Variants in COL4A2 observed in about 807,000 individuals in gnomAD.
The protein encoded by COL4A2 is collagen alpha-2(IV) chain.
COL4A2 carries 99 observed loss-of-function variants against 200.2 expected under a neutral mutation model. The observed-to-expected ratio is 0.49, with a 90% confidence interval of 0.42 to 0.58. COL4A2 has a LOEUF of 0.58. COL4A2 is among the 20% of genes least tolerant of loss of function. COL4A2 has a pLI of 0.00. For synonymous variants in COL4A2, 897 were observed against 900.6 expected (o/e 1.00, Z 0.07); for missense variants, 1,950 against 2,314.1 (o/e 0.84, Z 3.23).
intron 20 of COL4A2, among the ~76,000 whole-genome samples, chr13:110,451,911 T>C (rs1648184989): frequency 2.0e-5 from 3 of 152,264 alleles, no homozygotes; most frequent in Admixed American, 2.0e-4. Flanking sequence ...AGAGTGAATA[T>C]AGGAGACATT....
chr13:110,358,080 T>G (rs1008771652), intron 4 of COL4A2, among the ~76,000 whole-genome samples: 1 of 152,256 alleles, frequency 6.6e-6, no homozygotes. Context: ...TATAAACTGT[T>G]AAACTTTTTA....
intron 4 of COL4A2, among the ~76,000 whole-genome samples, chr13:110,369,710 C>G (rs916216674): frequency 2.0e-5 from 3 of 152,280 alleles, no homozygotes; most frequent in Admixed American, 6.5e-5. Flanking sequence ...CCCACCCTTC[C>G]CGCCTCAGCT....
chr13:110,438,655 T>A lies in COL4A2; in HGVS notation c.899T>A (p.Phe300Tyr), dbSNP rs184596143. The A allele has an allele frequency of 8.7e-6, 14 of 1,614,244 alleles. No homozygotes were observed. The highest frequency in any genetic ancestry group is 1.2e-5 in the Non-Finnish European group (14 of 1,180,034). The change falls in exon 15 of 48, where the codon TTT (phenylalanine) becomes TAT (tyrosine). Residue 300 changes from phenylalanine to tyrosine, a missense_variant. Phe to Tyr is a conservative substitution (Grantham distance 22). Around this residue, in one of 2 missense-constraint regions of COL4A2, gnomAD observed 565 missense variants for 593.5 expected, o/e 0.95. Transcript: ENST00000360467. Reference sequence around the variant, plus strand: ...AAGGGAGAAGAAGGAATCATGGGCTTTCCTGGACTGAGGGTAAACCACGCC... The same window carrying A: ...AAGGGAGAAGAAGGAATCATGGGCTATCCTGGACTGAGGGTAAACCACGCC... Reference protein sequence around the residue: ...SLKGEEGIMGFPGLRGYPGLS... With the variant: ...SLKGEEGIMGYPGLRGYPGLS...
At chr13:110,415,617 G>T (rs1338888158) in intron 4 of COL4A2, among the ~76,000 whole-genome samples, 2 of 152,152 alleles carry the variant, frequency 1.3e-5, no homozygotes, top group Non-Finnish European at 2.9e-5. Flanking sequence ...CTAACTTAAA[G>T]AATTTTTTTT....
chr13:110,323,911 G>T (rs1885341351), intron 3 of COL4A2, among the ~76,000 whole-genome samples: 1 of 152,236 alleles, frequency 6.6e-6, no homozygotes, highest in Non-Finnish European at 1.5e-5. Context: ...ATTATGCTGA[G>T]TGCGAAAGGC....
intron 16 of COL4A2, among the ~76,000 whole-genome samples, chr13:110,444,463 T>TA (rs1292618557): frequency 9.2e-5 from 14 of 152,354 alleles, no homozygotes; most frequent in African/African-American, 2.9e-4. Flanking sequence ...ACCTCATTTT[T>TA]AAAATCACAG....
intron 3 of COL4A2, among the ~76,000 whole-genome samples, chr13:110,339,036 C>A (rs1470082770): frequency 6.6e-6 from 1 of 152,226 alleles, no homozygotes; most frequent in Non-Finnish European, 1.5e-5. Context: ...CAGGCCTGTG[C>A]CTTCCACGGA....
At chr13:110,461,706 T>C (rs1323077105) in intron 22 of COL4A2, among the ~76,000 whole-genome samples, 2 of 152,174 alleles carry the variant, frequency 1.3e-5, no homozygotes, top group African/African-American at 2.4e-5. Flanking sequence ...GCTAAGTTTT[T>C]GCATTTTTAG....
intron 4 of COL4A2, among the ~76,000 whole-genome samples, chr13:110,415,972 G>A (rs7320498): frequency 0.25 from 37,390 of 152,264 alleles, 4,811 homozygotes; most frequent in African/African-American, 0.28. Context: ...ATATTGGCAC[G>A]TGCCATTGGC....
intron 3 of COL4A2, among the ~76,000 whole-genome samples, chr13:110,343,948 A>G (rs921760888): frequency 3.3e-5 from 5 of 152,218 alleles, no homozygotes; most frequent in African/African-American, 1.2e-4. Context: ...CCTTAGACCT[A>G]TATGCCAATA....
At chr13:110,344,277 G>A (rs987260791) in intron 3 of COL4A2, among the ~76,000 whole-genome samples, 1 of 152,040 alleles carries the variant, frequency 6.6e-6, no homozygotes, top group African/African-American at 2.4e-5. Flanking sequence ...TTCTCAACAC[G>A]GAGACAGAAC....
chr13:110,362,411 T>C (rs542955175), intron 4 of COL4A2, among the ~76,000 whole-genome samples: 26 of 152,118 alleles, frequency 1.7e-4, no homozygotes, highest in African/African-American at 6.0e-4. Context: ...CCTCCCAGGC[T>C]CAAGCAGTTC....
intron 26 of COL4A2, among the ~76,000 whole-genome samples, chr13:110,466,428 C>A (rs1040207999): frequency 6.6e-6 from 1 of 152,124 alleles, no homozygotes; most frequent in African/African-American, 2.4e-5. Context: ...GGTCCAGATT[C>A]CCAGGCACAC....
At chr13:110,357,920 C>T (rs920589287) in intron 4 of COL4A2, among the ~76,000 whole-genome samples, 1 of 152,078 alleles carries the variant, frequency 6.6e-6, no homozygotes, top group Non-Finnish European at 1.5e-5. Context: ...TTGGGGAGTG[C>T]GGGGTGCGTG....
At chr13:110,332,840 A>T (rs898062954) in intron 3 of COL4A2, among the ~76,000 whole-genome samples, 6 of 152,220 alleles carry the variant, frequency 3.9e-5, no homozygotes, top group African/African-American at 1.4e-4. Flanking sequence ...ATGCACGCTT[A>T]CTTTCAGCAA....
chr13:110,436,426 A>G (rs890998830), intron 13 of COL4A2, 59 bp downstream of exon 13: 76 of 1,568,030 alleles, frequency 4.8e-5, no homozygotes, highest in African/African-American at 3.1e-4. Flanking sequence ...GTAAAAGTAC[A>G]TTTCTTCAAT....
chr13:110,413,403 T>A lies in COL4A2; in HGVS notation c.181-11331T>A, dbSNP rs1424003796. On this transcript the variant is annotated intron_variant, in intron 4 of 47. Transcript: ENST00000360467. Reference sequence around the variant, plus strand: ...TGGGTACAGAGATGTAGTATGGCAGTGCCCTGCAGTGTGCCATGGGGAAGA... The same window carrying A: ...TGGGTACAGAGATGTAGTATGGCAGAGCCCTGCAGTGTGCCATGGGGAAGA... Among the ~76,000 whole-genome samples, 5 of 152,270 alleles carry A rather than the reference T, an allele frequency of 3.3e-5. No homozygotes were observed. In the East Asian group the frequency reaches 9.6e-4, roughly 29 times the overall value.
chr13:110,459,109 G>A (rs1378812882), intron 22 of COL4A2, 175 bp downstream of exon 22: 6 of 552,050 alleles, frequency 1.1e-5, no homozygotes, highest in African/African-American at 3.9e-5. Context: ...CTTTCTACAT[G>A]TCCACTGGTG....
chr13:110,353,550 T>G (rs1220013013), intron 3 of COL4A2, among the ~76,000 whole-genome samples: 1 of 152,162 alleles, frequency 6.6e-6, no homozygotes, highest in African/African-American at 2.4e-5. Flanking sequence ...GTCTCGAGAC[T>G]GTTTCAGAGA....
Sources: gnomAD v4.1 joint callset for allele counts (sites outside exome capture counted in the v4.1 genomes callset) on GRCh38, gnomAD v4.1.1 for gene constraint, gnomAD v4.1.1 regional missense constraint, MANE v1.5 for transcripts, NCBI Gene and HGNC (gene_info 2026-07-23, HGNC 2026-07-21) for gene names.